EFCAB8: variants seen among roughly 807,000 people sequenced by gnomAD.
EFCAB8 encodes EF-hand calcium binding domain 8, also known as EF-hand calcium-binding domain-containing protein 8.
Under a neutral mutation model 116.3 loss-of-function variants are expected in EFCAB8, and 100 were observed. The ratio of observed to expected loss-of-function variants is 0.86; its 90% CI spans 0.73 to 1.02. EFCAB8 has a LOEUF of 1.02. Among genes scored for constraint, EFCAB8 ranks in the 50% least tolerant of loss-of-function variants. EFCAB8 has a pLI of 0.00. For missense variants in EFCAB8, 1,320 were observed against 1,416.9 expected, an observed-to-expected ratio of 0.93 and a Z score of 1.10; for synonymous variants, 558 against 567.9, an observed-to-expected ratio of 0.98 and a Z score of 0.25.
At chr20:32,866,531 G>A (rs1984409550) in intron 2 of EFCAB8, among the ~76,000 whole-genome samples, 1 of 151,922 alleles carries the variant, frequency 6.6e-6, no homozygotes, top group African/African-American at 2.4e-5. Flanking sequence ...GAAGGCTTCT[G>A]GGGGGATTTG....
intron 5 of EFCAB8, among the ~76,000 whole-genome samples, chr20:32,883,050 T>C (rs1985422194): frequency 6.6e-6 from 1 of 152,058 alleles, no homozygotes; most frequent in Non-Finnish European, 1.5e-5. Context: ...AGGCTGATCT[T>C]GAACTCCTGA....
At chr20:32,948,610 A>G (rs371881608) in intron 23 of EFCAB8, among the ~76,000 whole-genome samples, 1 of 152,170 alleles carries the variant, frequency 6.6e-6, no homozygotes, top group African/African-American at 2.4e-5. Context: ...CAAACTATCA[A>G]TTAATATCCC....
chr20:32,930,309 A>C lies in EFCAB8; in HGVS notation c.2413-89A>C, dbSNP rs531043743. 33 of 1,086,694 alleles carry C rather than the reference A, an allele frequency of 3.0e-5. No individual in the cohort carries two copies. In the East Asian group the frequency reaches 8.1e-4, roughly 27 times the overall value. 67.3% of individuals were successfully genotyped at this position (1,086,694 alleles called of 1,614,324 possible). A position where few individuals can be genotyped will look rare whatever the true frequency, so the allele number is the denominator to read the frequency against. On this transcript the variant is annotated intron_variant, in intron 20 of 26. Coordinates refer to ENST00000400522, the MANE Select transcript of EFCAB8 (RefSeq NM_001143967.2). ...TGGGCATCTAGGAAACTGGGGGACC[A>C]GGTGGGTGTGGTGACTTGCTGAGGT...
At chr20:32,896,575 A>T (rs1986171092) in intron 10 of EFCAB8, 48 bp downstream of exon 10, 1 of 713,182 alleles carries the variant, frequency 1.4e-6, no homozygotes, top group Middle Eastern at 2.3e-4. Context: ...TTATCTGTAC[A>T]CACACACCAC....
In EFCAB8 at chr20:32,917,472, C is replaced by T; in HGVS notation, c.2028C>T (p.Ala676=). Reference sequence around the variant, plus strand: ...TCAAGCCCATCTTCAACTTCAATGCCTCTAGGAGCCCCTCGCCCTTGCAGC... The same window carrying T: ...TCAAGCCCATCTTCAACTTCAATGCTTCTAGGAGCCCCTCGCCCTTGCAGC... ...GTLKPIFNFN[A]SRSPSPLQPK... The change falls in exon 18 of 27, where the codon GCC becomes GCT. Residue 676 remains alanine, a synonymous_variant. Coordinates refer to ENST00000400522, the MANE Select transcript of EFCAB8 (RefSeq NM_001143967.2). The T allele has an allele frequency of 6.4e-7, 1 of 1,552,086 alleles. No individual in the cohort carries two copies. The highest frequency in any genetic ancestry group is 8.7e-7 in the Non-Finnish European group (1 of 1,147,056).
Position 32,876,095 on chromosome 20 carries a change from C to T in EFCAB8, c.327+51C>T, listed in dbSNP as rs1168223582. The T allele has an allele frequency of 2.0e-6, 3 of 1,476,900 alleles. No homozygotes were observed. In the Admixed American group the frequency reaches 5.9e-5, roughly 29 times the overall value. 91.5% of individuals were successfully genotyped at this position (1,476,900 alleles called of 1,614,324 possible). A position where few individuals can be genotyped will look rare whatever the true frequency, so the allele number is the denominator to read the frequency against. Reference sequence around the variant, plus strand: ...AGGTGCTGGAGGGAGGCTGGAGGGTCCAGTCCTTGACCAGTTGGTGGGGCT... The same window carrying T: ...AGGTGCTGGAGGGAGGCTGGAGGGTTCAGTCCTTGACCAGTTGGTGGGGCT... On this transcript the variant is annotated intron_variant, in intron 4 of 26. Coordinates refer to ENST00000400522, the MANE Select transcript of EFCAB8 (RefSeq NM_001143967.2).
rs540871061 is a variant in EFCAB8, at chr20:32,877,508, G to A, written c.328-1196G>A. Among the ~76,000 whole-genome samples, 9 of 152,158 alleles carry A rather than the reference G, an allele frequency of 5.9e-5. No homozygotes were observed. The Middle Eastern group carries it at 0.014, about 230-fold the overall frequency. The stretch of plus-strand genomic sequence containing the variant: ...ACAGGTGTGAGCCATTGCACTTGGC[G>A]GTTTTTATTTCTCTTAATGTTCTAT... On this transcript the variant is annotated intron_variant, in intron 4 of 26. Coordinates refer to ENST00000400522, the MANE Select transcript of EFCAB8 (RefSeq NM_001143967.2).
At chr20:32,869,231 G>C (rs1206660644) in intron 3 of EFCAB8, among the ~76,000 whole-genome samples, 1 of 152,006 alleles carries the variant, frequency 6.6e-6, no homozygotes, top group Non-Finnish European at 1.5e-5. Context: ...AGCAAGATGG[G>C]TGTTGCAATT....
At chr20:32,897,772 G>A (rs1015670793) in intron 10 of EFCAB8, among the ~76,000 whole-genome samples, 1 of 152,168 alleles carries the variant, frequency 6.6e-6, no homozygotes, top group African/African-American at 2.4e-5. Flanking sequence ...CTCACTCAGT[G>A]TCTTGGATTC....
chr20:32,863,661 G>A (rs1984241090), intron 1 of EFCAB8, 122 bp from the exon 2 acceptor site: 1 of 884,332 alleles, frequency 1.1e-6, no homozygotes, highest in Non-Finnish European at 1.7e-6. Flanking sequence ...CATGGGCAAG[G>A]GGAAGCCACC....
intron 23 of EFCAB8, among the ~76,000 whole-genome samples, chr20:32,953,484 C>T (rs1463870159): frequency 6.6e-6 from 1 of 152,196 alleles, no homozygotes; most frequent in Non-Finnish European, 1.5e-5. Flanking sequence ...ACCTTGCCAG[C>T]ACTTGTTATT....
chr20:32,863,567 G>T (rs74590750), intron 1 of EFCAB8, among the ~76,000 whole-genome samples: 5 of 152,172 alleles, frequency 3.3e-5, no homozygotes, highest in Non-Finnish European at 5.9e-5. Context: ...GGGAAGAAAG[G>T]CTCAAGTGCA....
chr20:32,863,896 CACTT>C, intron 2 of EFCAB8, 62 bp downstream of exon 2: 1 of 1,527,226 alleles, frequency 6.5e-7, no homozygotes, highest in Non-Finnish European at 8.9e-7. Flanking sequence ...CCCAAAACCT[CACTT>C]ACCAGCATGG....
intron 20 of EFCAB8, among the ~76,000 whole-genome samples, chr20:32,923,226 C>CT (rs1987534397): frequency 6.6e-6 from 1 of 151,644 alleles, no homozygotes; most frequent in Non-Finnish European, 1.5e-5. Context: ...TGGCTCACAC[C>CT]TGTAATCCTA....
At chr20:32,920,251 T>C (rs1448523277) in intron 20 of EFCAB8, 36 bp downstream of exon 20, 25 of 1,548,724 alleles carry the variant, frequency 1.6e-5, no homozygotes, top group Non-Finnish European at 2.2e-5. Context: ...GGATATGAGC[T>C]GGGGAGTGGG....
intron 14 of EFCAB8, 31 bp downstream of exon 14, chr20:32,908,443 A>G (rs781325360): frequency 5.1e-5 from 64 of 1,249,708 alleles, no homozygotes; most frequent in Non-Finnish European, 6.4e-5. Flanking sequence ...GAGTGGGGTC[A>G]AGGCCGCAGG....
Position 32,875,853 on chromosome 20 carries a change from G to C in EFCAB8, c.209-73G>C, listed in dbSNP as rs1291461190. On this transcript the variant is annotated intron_variant, in intron 3 of 26. Transcript: ENST00000400522. ...TGTCCCCCTCAGCACCCAGACACTT[G>C]AGAACTCCGTGGCAGTGATGGGCCG... 3.6e-6 allele frequency: 5 copies of C among 1,376,036 alleles called. No homozygotes were observed. The East Asian group carries it at 1.3e-4, about 35-fold the overall frequency. The allele number at this position is 1,376,036 out of a possible 1,614,324, so 85.2% of individuals were successfully genotyped here. A position where few individuals can be genotyped will look rare whatever the true frequency, so the allele number is the denominator to read the frequency against.
intron 13 of EFCAB8, 110 bp downstream of exon 13, chr20:32,907,104 C>T: frequency 7.0e-7 from 1 of 1,429,412 alleles, no homozygotes; most frequent in South Asian, 1.5e-5. Context: ...AAAGGCCTAG[C>T]AGGAGGGGCC....
At chr20:32,943,907 C>G (rs1988492616) in intron 23 of EFCAB8, 103 bp downstream of exon 23, 2 of 409,626 alleles carry the variant, frequency 4.9e-6, no homozygotes, top group Admixed American at 4.4e-5. Context: ...GGGAGGGACT[C>G]TCAGGCCACA....
Sources: gnomAD v4.1 joint callset for allele counts (sites outside exome capture counted in the v4.1 genomes callset) on GRCh38, gnomAD v4.1.1 for gene constraint, MANE v1.5 for transcripts, NCBI Gene and HGNC (gene_info 2026-07-23, HGNC 2026-07-21) for gene names.